Variants in UTP25 observed in about 807,000 individuals in gnomAD.
UTP25 encodes UTP25 small subunit processome component.
UTP25 carries 50 observed loss-of-function variants against 78.9 expected under a neutral mutation model. That is an observed-to-expected ratio of 0.63 (90% CI 0.50 to 0.80). The LOEUF is 0.80. UTP25 is among the 30% of genes least tolerant of loss of function. The probability of loss-of-function intolerance (pLI) is 0.00; values close to 1 mark genes in which losing one functional copy is unlikely to be tolerated. For synonymous variants in UTP25, 329 were observed against 336.5 expected (o/e 0.98, Z 0.24); for missense variants, 846 against 911.3 (o/e 0.93, Z 0.92).
Position 209,853,192 on chromosome 1 carries a change from G to A in UTP25, c.*1745G>A, listed in dbSNP as rs145890128. On this transcript the variant is annotated 3_prime_UTR_variant, in exon 12 of 12. Transcript: ENST00000491415. ...CAGAAAATTTAGTTAGATAAAAGCC[G>A]ACCGAACCCATGCTACAAAGAACTT... 6 of 152,148 alleles carry A rather than the reference G, an allele frequency of 3.9e-5. No homozygotes were observed. The East Asian group carries it at 7.7e-4, about 20-fold the overall frequency. 9.4% of individuals were successfully genotyped at this position (152,148 alleles called of 1,614,324 possible).
chr1:209,829,066 G>A (rs987469343), intron 1 of UTP25, among the ~76,000 whole-genome samples: 2 of 152,096 alleles, frequency 1.3e-5, no homozygotes, highest in African/African-American at 2.4e-5. Context: ...GAACCACCGC[G>A]CTTGGCCTGT....
At chr1:209,828,965 G>T (rs2078087318) in intron 1 of UTP25, among the ~76,000 whole-genome samples, 1 of 151,272 alleles carries the variant, frequency 6.6e-6, no homozygotes, top group African/African-American at 2.4e-5. Context: ...GTTGAGACGG[G>T]GTTTCACCAT....
rs1307097382 is a variant in UTP25 at position 209,842,439 on chromosome 1, C to G, written c.1660C>G (p.Gln554Glu). The part of the protein sequence containing the change: ...SVFNKYCVNM[Q>E]GQVAVRNVPM... ...GTTCAACAAGTACTGTGTCAACATG[C>G]AAGGCCAGGTGGGTTCTCGTCTTGT... The change falls in exon 9 of 12, where the codon CAA becomes GAA. Residue 554 changes from glutamine (Q) to glutamate (E), a missense_variant. Gln to Glu is a conservative substitution (Grantham distance 29, BLOSUM62 2). Coordinates refer to ENST00000491415, the MANE Select transcript of UTP25 (RefSeq NM_014388.7). 1.2e-6 allele frequency: 2 copies of G among 1,614,104 alleles called. No homozygotes were observed. Among genetic ancestry groups the G allele is most frequent in the Non-Finnish European group, 1.7e-6 (2 of 1,179,974 alleles).
At chr1:209,848,352 A>T (rs1417305925) in intron 11 of UTP25, among the ~76,000 whole-genome samples, 3 of 152,194 alleles carry the variant, frequency 2.0e-5, no homozygotes, top group African/African-American at 7.2e-5. Context: ...AAAATCACTT[A>T]GTGTGTGTAT....
chr1:209,851,527 T>TTTG lies in UTP25; in HGVS notation c.*81_*82insTGT. ...GCCATTTGGACCCAATTCTGATTACTTACAGAAGAAGGACTGATACAAAGA... is the reference window on the plus strand; with the variant it reads ...GCCATTTGGACCCAATTCTGATTACTTTGTACAGAAGAAGGACTGATACAAAGA... On this transcript the variant is annotated 3_prime_UTR_variant, in exon 12 of 12. Coordinates refer to ENST00000491415, the MANE Select transcript of UTP25 (RefSeq NM_014388.7). The TTTG allele has an allele frequency of 6.7e-7, 1 of 1,489,058 alleles. No homozygotes were observed. The highest frequency in any genetic ancestry group is 9.0e-7 in the Non-Finnish European group (1 of 1,111,582). 92.2% of individuals were successfully genotyped at this position (1,489,058 alleles called of 1,614,324 possible).
At chr1:209,834,461 G>C (rs1324456466) in intron 4 of UTP25, among the ~76,000 whole-genome samples, 1 of 152,184 alleles carries the variant, frequency 6.6e-6, no homozygotes, top group African/African-American at 2.4e-5. Flanking sequence ...ATATCTGTGT[G>C]TCCCAGTGCA....
rs1446752916 is a variant in UTP25 at position 209,835,155 on chromosome 1, G to A, written c.643G>A (p.Glu215Lys). ...AVATNPKTTHELKWPILGQLF... is the reference protein window; with the variant it reads ...AVATNPKTTHKLKWPILGQLF... ...TGCCACAAATCCCAAAACTACCCAC[G>A]AGCTTAAAGTAAGTGTTGCTTGGTC... The change falls in exon 5 of 12, where the codon GAG (glutamate) becomes AAG (lysine). Residue 215 changes from glutamate (E) to lysine (K), a missense_variant. By Grantham distance (56) the Glu-to-Lys change is moderately conservative (BLOSUM62 1). Coordinates refer to ENST00000491415, the MANE Select transcript of UTP25 (RefSeq NM_014388.7). 8 of 1,613,170 alleles carry A rather than the reference G, an allele frequency of 5.0e-6. No homozygotes were observed. The Admixed American group carries it at 6.7e-5, about 13-fold the overall frequency.
chr1:209,842,140 C>T (rs2078170362), intron 8 of UTP25, 125 bp from the exon 9 acceptor site: 2 of 1,009,302 alleles, frequency 2.0e-6, no homozygotes, highest in East Asian at 5.2e-5. Flanking sequence ...ATGTGAGCCT[C>T]AGTTTTCTTG....
intron 8 of UTP25, 28 bp from the exon 9 acceptor site, chr1:209,842,237 C>G: frequency 6.2e-7 from 1 of 1,607,396 alleles, no homozygotes; most frequent in Non-Finnish European, 8.5e-7. Context: ...TCAGTCAACA[C>G]TAATGGTAAT....
intron 7 of UTP25, 108 bp from the exon 8 acceptor site, chr1:209,840,745 A>C (rs1210573409): frequency 2.0e-6 from 2 of 1,023,608 alleles, no homozygotes; most frequent in Non-Finnish European, 3.1e-6. Context: ...GCTAAGAGGA[A>C]CAAAAGAGAT....
Position 209,856,855 on chromosome 1 carries a change from GGGA to G in UTP25, c.*5409_*5411del, listed in dbSNP as rs1191978460. On this transcript the variant is annotated 3_prime_UTR_variant, in exon 12 of 12. Transcript: ENST00000491415. ...ATTCCACACTGGATCCATAGAACGAGGGAACACAAGTGTCTTCTCATAAGATTT... is the reference window on the plus strand; with the variant it reads ...ATTCCACACTGGATCCATAGAACGAGACACAAGTGTCTTCTCATAAGATTT... The G allele has an allele frequency of 6.6e-6, 1 of 152,104 alleles. No homozygotes were observed. The highest frequency in any genetic ancestry group is 2.4e-5 in the African/African-American group (1 of 41,368). The allele number at this position is 152,104 out of a possible 1,614,324, so 9.4% of individuals were successfully genotyped here.
At chr1:209,842,782 C>A in intron 10 of UTP25, 87 bp downstream of exon 10, 1 of 963,284 alleles carries the variant, frequency 1.0e-6, no homozygotes, top group South Asian at 1.5e-5. Flanking sequence ...TTCCATTTTG[C>A]TTTTATTGAT....
chr1:209,837,950 A>T (rs370052640), intron 6 of UTP25, among the ~76,000 whole-genome samples: 11 of 152,320 alleles, frequency 7.2e-5, no homozygotes, highest in East Asian at 3.9e-4. Context: ...ATTTGATACT[A>T]ATGTGGCCTT....
At position 209,851,391 on chromosome 1, in the gene UTP25, G is replaced by A; in HGVS notation, c.2215G>A (p.Ala739Thr). The A allele has an allele frequency of 6.2e-7, 1 of 1,614,024 alleles. No individual in the cohort carries two copies. The highest frequency in any genetic ancestry group is 8.5e-7 in the Non-Finnish European group (1 of 1,180,014). ...LAAVVGVERA[A>T]QMLQSNKNVH... is the part of the protein sequence containing the mutation. The stretch of plus-strand genomic sequence containing the variant: ...TGCCGTGGTTGGTGTGGAGCGGGCG[G>A]CACAGATGCTACAGTCCAACAAGAA... Residue 739 changes from alanine (A) to threonine (T), a missense_variant, in exon 12 of 12, where the codon GCA becomes ACA. Transcript: ENST00000491415.
intron 10 of UTP25, 86 bp from the exon 11 acceptor site, chr1:209,843,365 T>C (rs1356302662): frequency 1.8e-5 from 27 of 1,503,000 alleles, no homozygotes; most frequent in Non-Finnish European, 2.2e-5. Context: ...TAACACGAGA[T>C]TGTAATTTGC....
chr1:209,831,089 A>G (rs2078101112), intron 3 of UTP25, 46 bp downstream of exon 3: 1 of 1,598,364 alleles, frequency 6.3e-7, no homozygotes, highest in Non-Finnish European at 8.6e-7. Context: ...AGAACTATAG[A>G]CAGTTCATCT....
chr1:209,843,809 C>T (rs921946670), intron 11 of UTP25, 113 bp downstream of exon 11: 10 of 1,382,220 alleles, frequency 7.2e-6, no homozygotes, highest in Middle Eastern at 2.5e-4. Context: ...CCCTCACTCT[C>T]GCACTCTTAC....
chr1:209,836,450 T>C (rs1572002071), intron 5 of UTP25, among the ~76,000 whole-genome samples: 1 of 152,226 alleles, frequency 6.6e-6, no homozygotes, highest in Non-Finnish European at 1.5e-5. Context: ...TATTTGACCA[T>C]GGAACCCCTT....
Position 209,839,033 on chromosome 1 carries a change from A to G in UTP25, c.1187A>G (p.Tyr396Cys), listed in dbSNP as rs1054314577. 4 of 1,614,016 alleles carry G rather than the reference A, an allele frequency of 2.5e-6. No homozygotes were observed. In the African/African-American group the frequency reaches 5.3e-5, roughly 22 times the overall value. ...AACAAAAAGAGGTTTCAGGGAGAATATGGATCAGATCCCGAGGAGAGACCA... is the reference window on the plus strand; with the variant it reads ...AACAAAAAGAGGTTTCAGGGAGAATGTGGATCAGATCCCGAGGAGAGACCA... ...VSNKKRFQGE[Y>C]GSDPEERPPN... is the part of the protein sequence containing the mutation. Residue 396 changes from tyrosine (Y) to cysteine (C), a missense_variant, in exon 7 of 12, where the codon TAT becomes TGT. Coordinates refer to ENST00000491415, the MANE Select transcript of UTP25 (RefSeq NM_014388.7).
Sources: gnomAD v4.1 joint callset for allele counts (sites outside exome capture counted in the v4.1 genomes callset) on GRCh38, gnomAD v4.1.1 for gene constraint, MANE v1.5 for transcripts, NCBI Gene and HGNC (gene_info 2026-07-23, HGNC 2026-07-21) for gene names.